OTUD7B: variants seen among roughly 807,000 people sequenced by gnomAD.
OTUD7B encodes OTU deubiquitinase 7B.
OTUD7B carries 34 observed loss-of-function variants against 82.2 expected under a neutral mutation model. That is an observed-to-expected ratio of 0.41 (90% CI 0.31 to 0.55). The LOEUF (loss-of-function observed/expected upper bound fraction) is 0.55, where lower values mean the gene tolerates loss of function less well. OTUD7B is among the 20% of genes least tolerant of loss of function. The probability of loss-of-function intolerance (pLI) is 0.20; values close to 1 mark genes in which losing one functional copy is unlikely to be tolerated. For synonymous variants in OTUD7B, 398 were observed against 402.7 expected (o/e 0.99, Z 0.14); for missense variants, 944 against 1,062.1 (o/e 0.89, Z 1.55).
At chr1:149,977,160 T>C (rs1650382674) in intron 2 of OTUD7B, among the ~76,000 whole-genome samples, 1 of 152,118 alleles carries the variant, frequency 6.6e-6, no homozygotes, top group African/African-American at 2.4e-5. Flanking sequence ...AAAATTATGT[T>C]TGTAATGGAC....
At chr1:150,017,494 C>G in the OTUD7B span, among the ~76,000 whole-genome samples, 1 of 152,190 alleles carries the variant, frequency 6.6e-6, no homozygotes, top group Non-Finnish European at 1.5e-5. Context: ...GCAAGTGCTA[C>G]CTTACCTAAT....
chr1:149,964,023 T>G, intron 6 of OTUD7B, 199 bp downstream of exon 6: 1 of 563,082 alleles, frequency 1.8e-6, no homozygotes, highest in Non-Finnish European at 3.1e-6. Context: ...GTAGGTCTCA[T>G]GCCCACCACC....
the OTUD7B span, among the ~76,000 whole-genome samples, chr1:150,032,860 C>T: frequency 6.6e-6 from 1 of 152,118 alleles, no homozygotes. Flanking sequence ...TAAATTAATG[C>T]CTCCACGTGG....
Position 149,978,879 on chromosome 1 carries a change from TAC to T in OTUD7B, c.-66-1305_-66-1304del, listed in dbSNP as rs1361324963. On this transcript the variant is annotated intron_variant, in intron 1 of 11. Transcript: ENST00000581312. ...ATTAAGTTGCCAGGTACACTTGCCC[TAC>T]CATACCCACCAATCCCCTGCCTTTT... 2.6e-5 allele frequency among the ~76,000 whole-genome samples: 4 copies of T among 152,314 alleles called. No homozygotes were observed. The East Asian group carries it at 7.7e-4, about 29-fold the overall frequency.
intron 1 of OTUD7B, among the ~76,000 whole-genome samples, chr1:149,997,655 G>C (rs1652004631): frequency 6.6e-6 from 1 of 152,146 alleles, no homozygotes; most frequent in Non-Finnish European, 1.5e-5. Flanking sequence ...TCAGAAGATA[G>C]CTCTAAGAAA....
intron 6 of OTUD7B, chr1:149,963,403 T>G (rs1256338553): frequency 2.6e-5 from 4 of 152,198 alleles, no homozygotes; most frequent in Admixed American, 2.6e-4. Context: ...CAGCAAACTT[T>G]TTCTGTAAAG....
At chr1:149,972,141 T>G (rs1649982478) in intron 2 of OTUD7B, among the ~76,000 whole-genome samples, 1 of 152,216 alleles carries the variant, frequency 6.6e-6, no homozygotes, top group African/African-American at 2.4e-5. Flanking sequence ...TCTGGCCTCT[T>G]CTCTGTGCTT....
intron 1 of OTUD7B, among the ~76,000 whole-genome samples, chr1:149,990,524 G>A (rs1553781805): frequency 6.6e-6 from 1 of 152,144 alleles, no homozygotes; most frequent in Non-Finnish European, 1.5e-5. Context: ...AGGTCTATAT[G>A]AATAAATATA....
intron 7 of OTUD7B, among the ~76,000 whole-genome samples, chr1:149,951,899 T>TC (rs2101753709): frequency 6.6e-6 from 1 of 151,858 alleles, no homozygotes; most frequent in Non-Finnish European, 1.5e-5. Context: ...CAACCTTTTT[T>TC]TTTTTAAACA....
chr1:150,059,308 C>CCGT, the OTUD7B span, among the ~76,000 whole-genome samples: 1 of 51,686 alleles, frequency 1.9e-5, no homozygotes, highest in African/African-American at 5.5e-5. Flanking sequence ...CCCCCCCCCC[C>CCGT]CCGCCTCCCA....
At chr1:150,022,064 A>C in the OTUD7B span, among the ~76,000 whole-genome samples, 1 of 152,106 alleles carries the variant, frequency 6.6e-6, no homozygotes, top group African/African-American at 2.4e-5. Flanking sequence ...GGTCAAGTCA[A>C]GACTAGTTCC....
At chr1:149,973,210 A>G (rs1488106597) in intron 2 of OTUD7B, among the ~76,000 whole-genome samples, 1 of 152,104 alleles carries the variant, frequency 6.6e-6, no homozygotes, top group Non-Finnish European at 1.5e-5. Flanking sequence ...TTTGTTCTTT[A>G]TAATACGATA....
the OTUD7B span, among the ~76,000 whole-genome samples, chr1:150,021,193 C>T: frequency 1.3e-5 from 2 of 152,142 alleles, no homozygotes; most frequent in African/African-American, 4.8e-5. Context: ...CCCTTCGGGT[C>T]ATATACTTCT....
At chr1:149,986,241 A>ACT (rs1559856642) in intron 1 of OTUD7B, among the ~76,000 whole-genome samples, 72 of 148,508 alleles carry the variant, frequency 4.8e-4, no homozygotes, top group African/African-American at 1.8e-3. Context: ...ACCCCATCAC[A>ACT]CACACACACA....
rs1041698797 is a variant in OTUD7B at position 149,942,294 on chromosome 1, T to C, written c.*1563A>G. On this transcript the variant is annotated 3_prime_UTR_variant, in exon 12 of 12. Transcript: ENST00000581312. ...ACATGCACCCGGGAGTGTATACAATTGCATAGTTGACTTTTTTTCCCGGAA... is the reference window on the plus strand; with the variant it reads ...ACATGCACCCGGGAGTGTATACAATCGCATAGTTGACTTTTTTTCCCGGAA... 7 of 152,568 alleles carry C rather than the reference T, an allele frequency of 4.6e-5. No individual in the cohort carries two copies. Among genetic ancestry groups the C allele is most frequent in the African/African-American group, 1.7e-4 (7 of 41,416 alleles). 9.5% of individuals were successfully genotyped at this position (152,568 alleles called of 1,614,324 possible). A position where few individuals can be genotyped will look rare whatever the true frequency, so the allele number is the denominator to read the frequency against.
the OTUD7B span, among the ~76,000 whole-genome samples, chr1:150,047,475 G>C: frequency 0.015 from 2,221 of 152,086 alleles, 68 homozygotes; most frequent in African/African-American, 0.051. Context: ...TCACTAGATT[G>C]TAAGAGAGAT....
intron 4 of OTUD7B, 136 bp downstream of exon 4, chr1:149,967,158 T>A (rs879994607): frequency 3.5e-6 from 2 of 577,558 alleles, no homozygotes; most frequent in Admixed American, 3.2e-5. Context: ...AGCACAAGTT[T>A]ATCCCACTGA....
At chr1:150,043,028 C>T in the OTUD7B span, among the ~76,000 whole-genome samples, 1 of 152,028 alleles carries the variant, frequency 6.6e-6, no homozygotes, top group Non-Finnish European at 1.5e-5. Flanking sequence ...GAAATGTATT[C>T]AGAGATACAT....
Position 149,939,048 on chromosome 1 carries a change from G to A in OTUD7B, c.*4809C>T, listed in dbSNP as rs1421477113. ...TGGGCAGGAGCTGAGGGTTAAGGCT[G>A]CCTCTCACCACCCCACACACCCCCA... On this transcript the variant is annotated 3_prime_UTR_variant, in exon 12 of 12. Coordinates refer to ENST00000581312, the MANE Select transcript of OTUD7B (RefSeq NM_020205.4). 1.3e-5 allele frequency: 2 copies of A among 152,160 alleles called. No homozygotes were observed. Among genetic ancestry groups the A allele is most frequent in the Non-Finnish European group, 2.9e-5 (2 of 68,224 alleles). The allele number at this position is 152,160 out of a possible 1,614,324, so 9.4% of individuals were successfully genotyped here.
Sources: gnomAD v4.1 joint callset for allele counts (sites outside exome capture counted in the v4.1 genomes callset) on GRCh38, gnomAD v4.1.1 for gene constraint, MANE v1.5 for transcripts, NCBI Gene and HGNC (gene_info 2026-07-23, HGNC 2026-07-21) for gene names.